Variants in THSD7B observed in about 807,000 individuals in gnomAD.
The protein encoded by THSD7B is thrombospondin type-1 domain-containing protein 7B.
THSD7B carries 138 observed loss-of-function variants against 213.6 expected under a neutral mutation model. The observed-to-expected ratio is 0.65, with a 90% CI of 0.56 to 0.74. The LOEUF is 0.74. Ranked by LOEUF, THSD7B falls within the 30% of genes least tolerant of loss-of-function variation. The pLI, the probability that THSD7B is intolerant of heterozygous loss-of-function variation, is 0.00. For missense variants in THSD7B, 1,931 were observed against 1,991.5 expected (o/e 0.97, Z 0.58); for synonymous variants, 742 against 687.0 (o/e 1.08, Z -1.25).
intron 5 of THSD7B, among the ~76,000 whole-genome samples, chr2:137,138,132 G>A (rs916014992): frequency 6.6e-6 from 1 of 152,022 alleles, no homozygotes; most frequent in African/African-American, 2.4e-5. Flanking sequence ...GGCCTCAAGT[G>A]ACCTTTCTGC....
Position 137,170,949 on chromosome 2 carries a change from G to A in THSD7B, c.1723+11G>A. Reference sequence around the variant, plus strand: ...GCCAGAATGACCGCGGTATGACCCAGTGACCCACTAGAGGTGTTAGGATGT... The same window carrying A: ...GCCAGAATGACCGCGGTATGACCCAATGACCCACTAGAGGTGTTAGGATGT... On this transcript the variant is annotated intron_variant, in intron 7 of 27. Coordinates refer to ENST00000409968, the MANE Select transcript of THSD7B (RefSeq NM_001316349.2). The A allele has an allele frequency of 6.2e-7, 1 of 1,611,654 alleles. No homozygotes were observed. Among genetic ancestry groups the A allele is most frequent in the South Asian group, 1.1e-5 (1 of 90,914 alleles).
intron 5 of THSD7B, among the ~76,000 whole-genome samples, chr2:137,122,354 G>C (rs1688560024): frequency 7.1e-6 from 1 of 140,370 alleles, no homozygotes; most frequent in Admixed American, 7.5e-5. Flanking sequence ...AAACCAGTGA[G>C]ACATGGGGAC....
At chr2:137,333,126 C>T (rs184822982) in intron 12 of THSD7B, among the ~76,000 whole-genome samples, 76 of 152,196 alleles carry the variant, frequency 5.0e-4, no homozygotes, top group African/African-American at 1.8e-3. Flanking sequence ...AATAGTTGTG[C>T]AAATGGAGAG....
intron 10 of THSD7B, among the ~76,000 whole-genome samples, chr2:137,270,936 A>G (rs1391376675): frequency 6.6e-6 from 1 of 152,184 alleles, no homozygotes; most frequent in Non-Finnish European, 1.5e-5. Flanking sequence ...AAAATTAAAT[A>G]CAGAAGCAGT....
intron 4 of THSD7B, among the ~76,000 whole-genome samples, chr2:137,108,716 T>C (rs1302935780): frequency 1.3e-5 from 2 of 152,218 alleles, no homozygotes; most frequent in Non-Finnish European, 2.9e-5. Context: ...ACATATTAAA[T>C]CTTAACTGTT....
intron 12 of THSD7B, among the ~76,000 whole-genome samples, chr2:137,345,880 G>C (rs1314887365): frequency 6.6e-6 from 1 of 151,220 alleles, no homozygotes; most frequent in Admixed American, 6.6e-5. Flanking sequence ...TATATGAACA[G>C]ACACACACAC....
intron 10 of THSD7B, among the ~76,000 whole-genome samples, chr2:137,268,166 T>G (rs1439654335): frequency 1.3e-5 from 2 of 152,132 alleles, no homozygotes; most frequent in Admixed American, 6.6e-5. Context: ...TTTATTTTTT[T>G]TATATACTTT....
chr2:137,470,852 T>C (rs1021230280), intron 15 of THSD7B, among the ~76,000 whole-genome samples: 3 of 152,070 alleles, frequency 2.0e-5, no homozygotes, highest in African/African-American at 7.2e-5. Flanking sequence ...TATACCAGTA[T>C]AATGACTGTC....
intron 12 of THSD7B, among the ~76,000 whole-genome samples, chr2:137,347,566 T>C (rs1684902795): frequency 6.6e-6 from 1 of 151,032 alleles, no homozygotes; most frequent in Non-Finnish European, 1.5e-5. Context: ...TTTTTTTTTT[T>C]TTTTTTTTTA....
chr2:136,958,731 G>A (rs1036892675), intron 2 of THSD7B, among the ~76,000 whole-genome samples: 1 of 152,178 alleles, frequency 6.6e-6, no homozygotes, highest in Non-Finnish European at 1.5e-5. Flanking sequence ...AACCCAGCCT[G>A]ATTTACAGGA....
chr2:137,493,719 G>T (rs746192417), intron 15 of THSD7B, among the ~76,000 whole-genome samples: 2 of 152,182 alleles, frequency 1.3e-5, no homozygotes, highest in Non-Finnish European at 2.9e-5. Context: ...AAATGCAGAT[G>T]AGAGAAAAGC....
chr2:137,311,609 T>A (rs1380196911), intron 12 of THSD7B, among the ~76,000 whole-genome samples: 1 of 152,126 alleles, frequency 6.6e-6, no homozygotes, highest in African/African-American at 2.4e-5. Context: ...TACTTCCAGT[T>A]TTTGCCCATT....
Position 137,094,966 on chromosome 2 carries a change from C to A in THSD7B, c.1044C>A (p.Cys348Ter), listed in dbSNP as rs1301690102. Residue 348 changes from cysteine to a stop codon, truncating the protein, a stop_gained, in exon 4 of 28, where the codon TGC becomes TGA. Coordinates refer to ENST00000409968, the MANE Select transcript of THSD7B (RefSeq NM_001316349.2). LOFTEE classifies it high-confidence loss of function. The stretch of plus-strand genomic sequence containing the variant: ...CCCAGTGGTCCTCCTGGAGCCCCTG[C>A]TCCAAGACATGCCGTTCAGGGAGTC... ...ETSQWSSWSPCSKTCRSGSLL... is the reference protein window; with the variant it reads ...ETSQWSSWSP 4 of 1,613,774 alleles carry A rather than the reference C, an allele frequency of 2.5e-6. No homozygotes were observed. Among genetic ancestry groups the A allele is most frequent in the Admixed American group, 1.7e-5 (1 of 59,966 alleles).
chr2:137,303,920 T>G (rs1053777018), intron 12 of THSD7B, among the ~76,000 whole-genome samples: 1 of 151,302 alleles, frequency 6.6e-6, no homozygotes, highest in Non-Finnish European at 1.5e-5. Context: ...CAACCCATCA[T>G]CTACATTAGG....
At chr2:137,471,999 G>A (rs971270114) in intron 15 of THSD7B, among the ~76,000 whole-genome samples, 2 of 152,166 alleles carry the variant, frequency 1.3e-5, no homozygotes, top group Non-Finnish European at 2.9e-5. Flanking sequence ...TTTTAAGAAA[G>A]TGGAAAGGGC....
intron 12 of THSD7B, among the ~76,000 whole-genome samples, chr2:137,369,714 AT>A (rs1685502104): frequency 6.6e-6 from 1 of 152,016 alleles, no homozygotes. Context: ...TAACCATTGT[AT>A]TTCATCCTCA....
intron 2 of THSD7B, among the ~76,000 whole-genome samples, chr2:136,988,946 A>G (rs1310505477): frequency 6.6e-6 from 1 of 152,262 alleles, no homozygotes. Flanking sequence ...CATTTTACCA[A>G]GGCTAGAGAA....
At chr2:136,847,969 C>T (rs912394988) in intron 1 of THSD7B, among the ~76,000 whole-genome samples, 3 of 152,176 alleles carry the variant, frequency 2.0e-5, no homozygotes, top group Non-Finnish European at 4.4e-5. Flanking sequence ...AGGTTCCCCT[C>T]ACACCATACT....
chr2:137,161,848 A>G (rs1194438675), intron 6 of THSD7B, among the ~76,000 whole-genome samples: 1 of 152,178 alleles, frequency 6.6e-6, no homozygotes, highest in African/African-American at 2.4e-5. Flanking sequence ...GGTGATTTAC[A>G]TATTTTTAGA....
Sources: gnomAD v4.1 joint callset for allele counts (sites outside exome capture counted in the v4.1 genomes callset) on GRCh38, gnomAD v4.1.1 for gene constraint, MANE v1.5 for transcripts, NCBI Gene and HGNC (gene_info 2026-07-23, HGNC 2026-07-21) for gene names.